PID1: variants seen among roughly 807,000 people sequenced by gnomAD.
PID1 encodes phosphotyrosine interaction domain containing 1, also known as PTB-containing, cubilin and LRP1-interacting protein.
Under a neutral mutation model 19.1 loss-of-function variants are expected in PID1, and 10 were observed. The ratio of observed to expected loss-of-function variants is 0.52; its 90% CI spans 0.32 to 0.89. The LOEUF is 0.89. Ranked by LOEUF, PID1 falls within the 40% of genes least tolerant of loss-of-function variation. The probability of loss-of-function intolerance (pLI) is 0.03; values close to 1 mark genes in which losing one functional copy is unlikely to be tolerated. For missense variants in PID1, 248 were observed against 285.3 expected (o/e 0.87, Z 0.94); for synonymous variants, 130 against 116.0 (o/e 1.12, Z -0.78).
At chr2:229,204,818 G>A (rs1221162188) in intron 1 of PID1, among the ~76,000 whole-genome samples, 1 of 152,106 alleles carries the variant, frequency 6.6e-6, no homozygotes, top group Non-Finnish European at 1.5e-5. Flanking sequence ...AATGCATGCA[G>A]AGGTCATTGT....
At chr2:229,214,347 C>A (rs892524037) in intron 1 of PID1, among the ~76,000 whole-genome samples, 2 of 152,156 alleles carry the variant, frequency 1.3e-5, no homozygotes, top group African/African-American at 4.8e-5. Context: ...CCATCCGGAG[C>A]AAGCATGGTA....
chr2:229,231,974 T>C lies in PID1; in HGVS notation c.30+39040A>G, dbSNP rs763517048. ...TGATCAAGGTGCGGGCTTGTTTGAT[T>C]GTCTTGTGAGAGCTGCAGCACTTGG... On this transcript the variant is annotated intron_variant, in intron 1 of 2. Transcript: ENST00000392055. The C allele has an allele frequency of 4.5e-6, 7 of 1,550,476 alleles. No homozygotes were observed. The South Asian group carries it at 7.1e-5, about 16-fold the overall frequency.
At chr2:229,270,144 A>C (rs1690697410) in intron 1 of PID1, among the ~76,000 whole-genome samples, 1 of 152,248 alleles carries the variant, frequency 6.6e-6, no homozygotes, top group African/African-American at 2.4e-5. Flanking sequence ...GTTTACTACG[A>C]AACAATGTGG....
chr2:229,165,250 A>T (rs9973934), intron 1 of PID1, among the ~76,000 whole-genome samples: 68,577 of 151,988 alleles, frequency 0.45, 16,988 homozygotes, highest in Admixed American at 0.61. Flanking sequence ...ATAGGAATAC[A>T]AAAATATCCA....
intron 1 of PID1, among the ~76,000 whole-genome samples, chr2:229,166,106 T>C (rs72617162): frequency 0.16 from 23,827 of 152,212 alleles, 2,674 homozygotes; most frequent in East Asian, 0.36. Context: ...AACTGTGGTA[T>C]ATCCACACAA....
At chr2:229,152,180 A>G (rs547033983) in intron 2 of PID1, among the ~76,000 whole-genome samples, 1 of 152,180 alleles carries the variant, frequency 6.6e-6, no homozygotes, top group African/African-American at 2.4e-5. Context: ...CAGAACTTCA[A>G]CCTCCAAACA....
intron 1 of PID1, among the ~76,000 whole-genome samples, chr2:229,256,462 G>A (rs1386122619): frequency 6.6e-6 from 1 of 152,184 alleles, no homozygotes; most frequent in Non-Finnish European, 1.5e-5. Context: ...CTGGACAATG[G>A]AATGCTTCTT....
chr2:229,261,541 C>G (rs1209370125), intron 1 of PID1, among the ~76,000 whole-genome samples: 1 of 152,200 alleles, frequency 6.6e-6, no homozygotes, highest in African/African-American at 2.4e-5. Context: ...GTGGGTGAAT[C>G]TGTGAATTTA....
At chr2:229,254,847 G>A (rs1268021147) in intron 1 of PID1, among the ~76,000 whole-genome samples, 1 of 152,156 alleles carries the variant, frequency 6.6e-6, no homozygotes, top group Non-Finnish European at 1.5e-5. Context: ...TGAGTTTGTA[G>A]TTTGGCCAGG....
intron 2 of PID1, among the ~76,000 whole-genome samples, chr2:229,089,560 T>C (rs988238861): frequency 6.6e-6 from 1 of 152,202 alleles, no homozygotes; most frequent in Non-Finnish European, 1.5e-5. Flanking sequence ...CCCAATGCTT[T>C]TCACAAGAGA....
intron 2 of PID1, among the ~76,000 whole-genome samples, chr2:229,068,934 C>A (rs1694389266): frequency 6.6e-6 from 1 of 152,154 alleles, no homozygotes; most frequent in Admixed American, 6.5e-5. Flanking sequence ...TGCAGGCAGT[C>A]CTTTGCCCAA....
intron 2 of PID1, among the ~76,000 whole-genome samples, chr2:229,071,800 G>A (rs1559220277): frequency 6.6e-6 from 1 of 152,102 alleles, no homozygotes; most frequent in Non-Finnish European, 1.5e-5. Context: ...GAAATCTATG[G>A]TGTAAAAGAT....
chr2:229,120,437 G>T (rs1291331087), intron 2 of PID1, among the ~76,000 whole-genome samples: 1 of 151,942 alleles, frequency 6.6e-6, no homozygotes, highest in Non-Finnish European at 1.5e-5. Flanking sequence ...CAACATAAAG[G>T]TTCTCATCCT....
rs867964251 is a variant in PID1, at chr2:229,184,861, G to A, written c.31-28897C>T. Among the ~76,000 whole-genome samples, 358 of 111,790 alleles carry A rather than the reference G, an allele frequency of 3.2e-3. 42 individuals carry two copies. The highest frequency in any genetic ancestry group is 0.012 in the African/African-American group (341 of 28,406). 73.3% of individuals were successfully genotyped at this position (111,790 alleles called of 152,430 possible). A position where few individuals can be genotyped will look rare whatever the true frequency, so the allele number is the denominator to read the frequency against. ...TATATATATCCCGTATATATATCCC[G>A]TATATATCCCATATTGTATCCCATA... is the stretch of plus-strand genomic sequence containing the variant. On this transcript the variant is annotated intron_variant, in intron 1 of 2. Transcript: ENST00000392055.
Position 229,244,008 on chromosome 2 carries a change from C to T in PID1, c.30+27006G>A, listed in dbSNP as rs554246324. Among the ~76,000 whole-genome samples the T allele has an allele frequency of 2.6e-5, 4 of 152,254 alleles. 1 individual carries two copies. In the South Asian group the frequency reaches 6.2e-4, roughly 24 times the overall value. On this transcript the variant is annotated intron_variant, in intron 1 of 2. Transcript: ENST00000392055. ...CTTTAATCACAAAACTCATGTTTGG[C>T]ACTGGGTCTTGGCAGAAAGCCCCAC...
chr2:229,062,103 T>C (rs1278388984), intron 2 of PID1, among the ~76,000 whole-genome samples: 1 of 151,998 alleles, frequency 6.6e-6, no homozygotes, highest in Non-Finnish European at 1.5e-5. Context: ...CTAATTGTTC[T>C]AGCTACAACT....
At chr2:229,211,986 T>G (rs1475821576) in intron 1 of PID1, among the ~76,000 whole-genome samples, 1 of 152,252 alleles carries the variant, frequency 6.6e-6, no homozygotes. Context: ...TTAGTTGATC[T>G]CAAAGTCATT....
At chr2:229,221,265 C>CT (rs1691964326) in intron 1 of PID1, among the ~76,000 whole-genome samples, 1 of 152,160 alleles carries the variant, frequency 6.6e-6, no homozygotes, top group African/African-American at 2.4e-5. Context: ...GTTTAAGCCT[C>CT]TGAAAGTCCT....
At chr2:229,125,616 C>A (rs1470947156) in intron 2 of PID1, among the ~76,000 whole-genome samples, 3 of 152,160 alleles carry the variant, frequency 2.0e-5, no homozygotes, top group Non-Finnish European at 4.4e-5. Context: ...TAAATGTCTT[C>A]CTCCCTCCTT....
Sources: allele counts gnomAD v4.1 joint callset (sites outside exome capture counted in the v4.1 genomes callset), GRCh38; gene constraint gnomAD v4.1.1; transcripts MANE v1.5; gene names NCBI Gene and HGNC (gene_info 2026-07-23, HGNC 2026-07-21).